Variants in GPC5 observed in about 807,000 individuals in gnomAD.
The protein encoded by GPC5 is glypican 5, also known as glypican-5.
In GPC5, 47 loss-of-function variants were observed where a neutral mutation model predicts 53.9. The observed-to-expected ratio is 0.87, with a 90% CI of 0.69 to 1.11. GPC5 has a LOEUF of 1.11. Ranked by LOEUF, GPC5 falls within the 50% of genes most tolerant of loss-of-function variation. The pLI is 0.00. For synonymous variants in GPC5, 286 were observed against 263.3 expected (o/e 1.09, Z -0.84); for missense variants, 748 against 713.1 (o/e 1.05, Z -0.56).
intron 7 of GPC5, among the ~76,000 whole-genome samples, chr13:92,561,696 A>G (rs562789605): frequency 1.6e-3 from 236 of 152,174 alleles, no homozygotes; most frequent in Non-Finnish European, 2.4e-3. Context: ...CTGATTTAGT[A>G]AAGTTGTCTT....
chr13:92,381,674 C>A (rs1419187877), intron 7 of GPC5, among the ~76,000 whole-genome samples: 2 of 151,404 alleles, frequency 1.3e-5, no homozygotes, highest in African/African-American at 4.9e-5. Flanking sequence ...GAAAAGAAGA[C>A]ATGATTCGAA....
At chr13:92,249,606 A>G (rs2139126892) in intron 7 of GPC5, among the ~76,000 whole-genome samples, 1 of 152,158 alleles carries the variant, frequency 6.6e-6, no homozygotes, top group East Asian at 1.9e-4. Context: ...GGATGGTCAG[A>G]TGGCACCTGT....
At chr13:92,122,809 TAAA>T (rs1325082951) in intron 6 of GPC5, among the ~76,000 whole-genome samples, 2 of 145,348 alleles carry the variant, frequency 1.4e-5, no homozygotes, top group Non-Finnish European at 3.0e-5. Context: ...CATTCATTCT[TAAA>T]GAAGCAAAAA....
chr13:91,456,704 G>A (rs776424887), intron 2 of GPC5, among the ~76,000 whole-genome samples: 15 of 151,924 alleles, frequency 9.9e-5, no homozygotes, highest in South Asian at 4.1e-4. Flanking sequence ...TTTTTACCCC[G>A]TGGAACAAAC....
chr13:92,546,473 C>A (rs1882117304), intron 7 of GPC5, among the ~76,000 whole-genome samples: 1 of 151,996 alleles, frequency 6.6e-6, no homozygotes, highest in South Asian at 2.1e-4. Flanking sequence ...ATGGGAAGGA[C>A]CTCTTCAAGG....
At chr13:92,610,205 G>A (rs1884391038) in intron 7 of GPC5, among the ~76,000 whole-genome samples, 1 of 151,954 alleles carries the variant, frequency 6.6e-6, no homozygotes, top group African/African-American at 2.4e-5. Flanking sequence ...CATTATTATG[G>A]ATATTTGATT....
chr13:92,090,800 GT>G (rs2041374054), intron 6 of GPC5, among the ~76,000 whole-genome samples: 1 of 152,150 alleles, frequency 6.6e-6, no homozygotes, highest in Non-Finnish European at 1.5e-5. Context: ...TTGTGCCTGA[GT>G]TTTAATAAGT....
intron 7 of GPC5, among the ~76,000 whole-genome samples, chr13:92,799,997 T>C (rs1876839693): frequency 6.6e-6 from 1 of 151,770 alleles, no homozygotes; most frequent in Admixed American, 6.6e-5. Context: ...TCAATTCCAG[T>C]TTCAGAGAGA....
intron 7 of GPC5, among the ~76,000 whole-genome samples, chr13:92,848,590 A>G (rs1278087083): frequency 1.3e-5 from 2 of 152,176 alleles, no homozygotes; most frequent in Non-Finnish European, 2.9e-5. Context: ...AAACTCAAAT[A>G]TAAGTGACAA....
At chr13:92,631,128 T>C (rs1885221250) in intron 7 of GPC5, among the ~76,000 whole-genome samples, 1 of 152,092 alleles carries the variant, frequency 6.6e-6, no homozygotes, top group Admixed American at 6.5e-5. Flanking sequence ...TATATTTTTA[T>C]ATAAAAATGA....
At chr13:91,900,700 G>C (rs1469334033) in intron 5 of GPC5, among the ~76,000 whole-genome samples, 2 of 152,014 alleles carry the variant, frequency 1.3e-5, no homozygotes, top group African/African-American at 4.8e-5. Context: ...AGGGGTTTAA[G>C]AAAAGGCTAA....
chr13:92,643,824 A>G (rs1214076846), intron 7 of GPC5, among the ~76,000 whole-genome samples: 2 of 151,404 alleles, frequency 1.3e-5, no homozygotes, highest in African/African-American at 2.4e-5. Context: ...ACATGTATAC[A>G]TATGTAACTA....
chr13:92,305,184 A>G (rs1046380566), intron 7 of GPC5, among the ~76,000 whole-genome samples: 2 of 152,208 alleles, frequency 1.3e-5, no homozygotes, highest in Admixed American at 6.5e-5. Context: ...GATAAACACT[A>G]CACCAACACA....
chr13:92,482,785 A>G (rs1879407433), intron 7 of GPC5, among the ~76,000 whole-genome samples: 2 of 152,188 alleles, frequency 1.3e-5, no homozygotes, highest in East Asian at 1.9e-4. Flanking sequence ...ATCCTTAAGA[A>G]CATTCTAAAT....
intron 6 of GPC5, among the ~76,000 whole-genome samples, chr13:92,100,162 T>C (rs2041453900): frequency 6.6e-6 from 1 of 152,190 alleles, no homozygotes; most frequent in Non-Finnish European, 1.5e-5. Context: ...CCCAGCACTT[T>C]GGGAGGCCGA....
chr13:91,995,349 T>G (rs2040494620), intron 6 of GPC5: 1 of 152,202 alleles, frequency 6.6e-6, no homozygotes, highest in Admixed American at 6.5e-5. Context: ...AAATTATTTT[T>G]TATTATTGAC....
chr13:92,816,791 C>G (rs1877491963), intron 7 of GPC5, among the ~76,000 whole-genome samples: 1 of 151,974 alleles, frequency 6.6e-6, no homozygotes, highest in South Asian at 2.1e-4. Flanking sequence ...CTGGTTTCCT[C>G]TTCTCTAATT....
chr13:92,230,444 C>G (rs1315386258), intron 7 of GPC5, among the ~76,000 whole-genome samples: 3 of 152,044 alleles, frequency 2.0e-5, no homozygotes, highest in Admixed American at 2.0e-4. Flanking sequence ...TTTAAATAAT[C>G]AACACTGAAA....
At chr13:92,032,721 C>T (rs557401083) in intron 6 of GPC5, among the ~76,000 whole-genome samples, 1 of 152,190 alleles carries the variant, frequency 6.6e-6, no homozygotes, top group Non-Finnish European at 1.5e-5. Flanking sequence ...TCAATGCCCT[C>T]TCTGTCCTCT....
Sources: allele counts gnomAD v4.1 joint callset (sites outside exome capture counted in the v4.1 genomes callset), GRCh38; gene constraint gnomAD v4.1.1; transcripts MANE v1.5; gene names NCBI Gene and HGNC (gene_info 2026-07-23, HGNC 2026-07-21).